The following ADORA2B variants were observed in gnomAD, a reference collection of about 807,000 sequenced individuals.
ADORA2B encodes the protein adenosine A2b receptor, also known as adenosine receptor A2b.
ADORA2B carries 18 observed loss-of-function variants against 20.8 expected under a neutral mutation model. The ratio of observed to expected loss-of-function variants is 0.87; its 90% CI spans 0.60 to 1.29. The LOEUF is 1.29. Ranked by LOEUF, ADORA2B falls within the 50% of genes most tolerant of loss-of-function variation. ADORA2B has a pLI of 0.00. For synonymous variants in ADORA2B, 179 were observed against 178.3 expected, an observed-to-expected ratio of 1.00 and a Z score of -0.03; for missense variants, 441 against 422.7, an observed-to-expected ratio of 1.04 and a Z score of -0.38.
intron 1 of ADORA2B, among the ~76,000 whole-genome samples, chr17:15,972,567 T>C (rs1187019474): frequency 6.6e-6 from 1 of 152,120 alleles, no homozygotes; most frequent in Non-Finnish European, 1.5e-5. Flanking sequence ...ATAAGGTCAC[T>C]TCCTTTCTTG....
At chr17:15,865,251 A>G in the ADORA2B span, among the ~76,000 whole-genome samples, 38 of 152,314 alleles carry the variant, frequency 2.5e-4, no homozygotes, top group African/African-American at 5.5e-4. Context: ...AATATAAACT[A>G]TAGTGTTTTT....
intron 1 of ADORA2B, among the ~76,000 whole-genome samples, chr17:15,968,913 A>C (rs1970152578): frequency 6.6e-6 from 1 of 152,060 alleles, no homozygotes; most frequent in Non-Finnish European, 1.5e-5. Flanking sequence ...GGCATCTGTC[A>C]CCAAAACTTG....
the ADORA2B span, among the ~76,000 whole-genome samples, chr17:15,871,696 C>A: frequency 6.6e-6 from 1 of 152,136 alleles, no homozygotes; most frequent in Admixed American, 6.6e-5. Flanking sequence ...GATGCAGAGT[C>A]CCTAATGAGC....
chr17:15,908,421 C>T, the ADORA2B span: 1 of 152,914 alleles, frequency 6.5e-6, no homozygotes, highest in Middle Eastern at 1.5e-3. Context: ...TCTTCACATT[C>T]CATCTGTGTA....
chr17:15,912,911 G>C, the ADORA2B span, among the ~76,000 whole-genome samples: 1 of 152,290 alleles, frequency 6.6e-6, no homozygotes, highest in South Asian at 2.1e-4. Flanking sequence ...CACTTTACAG[G>C]TACCTGGCTT....
intron 1 of ADORA2B, among the ~76,000 whole-genome samples, chr17:15,953,418 C>T (rs1969930333): frequency 6.6e-6 from 1 of 152,196 alleles, no homozygotes; most frequent in East Asian, 1.9e-4. Flanking sequence ...CCCACCAGTC[C>T]CTCTGCCGGG....
At chr17:15,884,834 G>A in the ADORA2B span, among the ~76,000 whole-genome samples, 12 of 152,194 alleles carry the variant, frequency 7.9e-5, no homozygotes, top group Admixed American at 6.5e-4. Context: ...TGGGCATTTG[G>A]GCTGATTCTG....
At chr17:15,933,122 A>AT in the ADORA2B span, among the ~76,000 whole-genome samples, 1 of 151,878 alleles carries the variant, frequency 6.6e-6, no homozygotes, top group Admixed American at 6.6e-5. Flanking sequence ...CGCCCGACTA[A>AT]TTTTTTATAT....
the ADORA2B span, among the ~76,000 whole-genome samples, chr17:15,875,340 A>G: frequency 1.3e-5 from 2 of 152,028 alleles, no homozygotes; most frequent in Non-Finnish European, 2.9e-5. Context: ...CTAGTTTTTC[A>G]TTTTAGATGT....
At chr17:15,945,022 C>T (rs1597842547), upstream of ADORA2B, 2 of 311,066 alleles carry the variant, frequency 6.4e-6, no homozygotes, top group Non-Finnish European at 1.2e-5. Context: ...GGGTGGTGCT[C>T]CGCCCAGCCC....
intron 1 of ADORA2B, among the ~76,000 whole-genome samples, chr17:15,962,269 C>T (rs573351645): frequency 7.9e-5 from 12 of 152,256 alleles, no homozygotes; most frequent in African/African-American, 2.6e-4. Flanking sequence ...CGCCACTGCA[C>T]TCCATCCTGG....
the ADORA2B span, among the ~76,000 whole-genome samples, chr17:15,923,200 TTTTTA>T: frequency 2.9e-5 from 4 of 136,130 alleles, no homozygotes; most frequent in African/African-American, 1.2e-4. Context: ...TTTCTTTCTT[TTTTTA>T]ATTTTTTTTT....
the ADORA2B span, among the ~76,000 whole-genome samples, chr17:15,893,558 C>T: frequency 6.8e-6 from 1 of 147,054 alleles, no homozygotes; most frequent in Non-Finnish European, 1.5e-5. Flanking sequence ...CCTTTCACTG[C>T]TTTCCAGAGA....
intron 1 of ADORA2B, among the ~76,000 whole-genome samples, chr17:15,960,702 T>TAAAAACTAAACCCCGTTAGCCACA (rs1970024029): frequency 4.0e-5 from 6 of 151,200 alleles, no homozygotes; most frequent in African/African-American, 1.5e-4. Flanking sequence ...AAACCCCGTC[T>TAAAAACTAAACCCCGTTAGCCACA]CTACTAAAAA....
the ADORA2B span, among the ~76,000 whole-genome samples, chr17:15,887,381 T>G: frequency 7.6e-6 from 1 of 131,314 alleles, no homozygotes; most frequent in East Asian, 2.0e-4. Context: ...CCAACAGACT[T>G]TCTTTATTCT....
At chr17:15,880,510 C>T in the ADORA2B span, among the ~76,000 whole-genome samples, 2 of 142,694 alleles carry the variant, frequency 1.4e-5, no homozygotes, top group Admixed American at 7.1e-5. Flanking sequence ...TGGCCACTGT[C>T]GCCAGGGGAG....
chr17:15,924,597 T>G, the ADORA2B span, among the ~76,000 whole-genome samples: 13 of 152,022 alleles, frequency 8.6e-5, no homozygotes, highest in Middle Eastern at 0.01. Flanking sequence ...AAAATTAGTC[T>G]GGTGTGGTGG....
intron 1 of ADORA2B, among the ~76,000 whole-genome samples, chr17:15,962,291 A>G (rs1386266739): frequency 6.6e-6 from 1 of 152,216 alleles, no homozygotes; most frequent in African/African-American, 2.4e-5. Context: ...CAATAGAGCA[A>G]GACTGCGTCT....
At chr17:15,853,977 C>T in the ADORA2B span, among the ~76,000 whole-genome samples, 71 of 152,196 alleles carry the variant, frequency 4.7e-4, no homozygotes, top group African/African-American at 1.5e-3. Flanking sequence ...ATTTTTGAGA[C>T]GGAGTTTCAC....
Sources: gnomAD v4.1 joint callset for allele counts (sites outside exome capture counted in the v4.1 genomes callset) on GRCh38, gnomAD v4.1.1 for gene constraint, MANE v1.5 for transcripts, NCBI Gene and HGNC (gene_info 2026-07-23, HGNC 2026-07-21) for gene names.